DRC7: variants seen among roughly 807,000 people sequenced by gnomAD.
The protein encoded by DRC7 is coiled-coil domain containing 135.
DRC7 carries 80 observed loss-of-function variants against 104.4 expected under a neutral mutation model. The observed-to-expected ratio is 0.77, with a 90% CI of 0.64 to 0.92. The LOEUF (loss-of-function observed/expected upper bound fraction) is 0.92. Ranked by LOEUF, DRC7 falls within the 40% of genes least tolerant of loss-of-function variation. The pLI, the probability that DRC7 is intolerant of heterozygous loss-of-function variation, is 0.00. For synonymous variants in DRC7, 405 were observed against 447.3 expected, an observed-to-expected ratio of 0.91 and a Z score of 1.19; for missense variants, 1,034 against 1,141.1, an observed-to-expected ratio of 0.91 and a Z score of 1.35.
chr16:57,699,970 T>C (rs1436976412), intron 4 of DRC7, among the ~76,000 whole-genome samples, 175 bp from the exon 5 acceptor site: 1 of 152,222 alleles, frequency 6.6e-6, no homozygotes, highest in African/African-American at 2.4e-5. Context: ...ATGTGCCAGA[T>C]CTGGGCATCA....
intron 7 of DRC7, among the ~76,000 whole-genome samples, chr16:57,705,570 CCCAT>C (rs1307874719): frequency 8.0e-6 from 1 of 125,712 alleles, no homozygotes; most frequent in Non-Finnish European, 1.7e-5. Context: ...CCACCCACCT[CCCAT>C]CCATCCATCC....
chr16:57,699,447 C>T (rs543861609), intron 4 of DRC7, among the ~76,000 whole-genome samples: 1 of 152,138 alleles, frequency 6.6e-6, no homozygotes, highest in Non-Finnish European at 1.5e-5. Flanking sequence ...CTGTTTCCCA[C>T]CCCCTGGATG....
intron 7 of DRC7, among the ~76,000 whole-genome samples, chr16:57,706,083 T>TCCTC: frequency 1.0e-5 from 1 of 97,618 alleles, no homozygotes; most frequent in African/African-American, 3.7e-5. Flanking sequence ...CTCCCATCCA[T>TCCTC]CCATCCTCCC....
chr16:57,703,200 CAAAAAAA>C (rs71152293), intron 6 of DRC7, among the ~76,000 whole-genome samples: 82 of 62,926 alleles, frequency 1.3e-3, no homozygotes, highest in South Asian at 3.4e-3. Flanking sequence ...TTTTTAATAG[CAAAAAAA>C]AAAAAAAAAA....
intron 3 of DRC7, 46 bp from the exon 4 acceptor site, chr16:57,698,804 G>A (rs780109275): frequency 6.3e-6 from 10 of 1,588,654 alleles, no homozygotes; most frequent in African/African-American, 1.3e-5. Context: ...CAGGGCTCCT[G>A]TGTGCCAGGC....
intron 6 of DRC7, among the ~76,000 whole-genome samples, chr16:57,704,327 C>T (rs1160444434): frequency 1.3e-5 from 2 of 151,990 alleles, no homozygotes; most frequent in African/African-American, 4.8e-5. Flanking sequence ...AGTGCTCTTT[C>T]CTGGGAATAC....
At chr16:57,721,420 G>A (rs1020668769) in intron 9 of DRC7, among the ~76,000 whole-genome samples, 2 of 152,134 alleles carry the variant, frequency 1.3e-5, no homozygotes, top group Non-Finnish European at 2.9e-5. Context: ...CTCTAATCAC[G>A]AAGGGCCTGC....
At chr16:57,704,834 G>T in intron 6 of DRC7, 42 bp from the exon 7 acceptor site, 1 of 1,603,782 alleles carries the variant, frequency 6.2e-7, no homozygotes, top group South Asian at 1.1e-5. Context: ...TGTAAAGGGG[G>T]GATGCAGGGC....
intron 9 of DRC7, among the ~76,000 whole-genome samples, chr16:57,720,260 A>ACACAGTCTGGCTC (rs1491330397): frequency 6.6e-6 from 1 of 152,296 alleles, no homozygotes. Context: ...ATTTGAACCT[A>ACACAGTCTGGCTC]CACAGTCTGG....
intron 3 of DRC7, 60 bp downstream of exon 3, chr16:57,698,212 C>T: frequency 6.2e-7 from 1 of 1,608,008 alleles, no homozygotes; most frequent in Non-Finnish European, 8.5e-7. Flanking sequence ...ACAGGGAGAC[C>T]CAGGCAGAGT....
chr16:57,731,308 C>A lies in DRC7; in HGVS notation c.*50C>A. On this transcript the variant is annotated 3_prime_UTR_variant, in exon 19 of 19. Coordinates refer to ENST00000360716, the MANE Select transcript of DRC7 (RefSeq NM_001289162.2). Reference sequence around the variant, plus strand: ...AGCTGCCAGAGAAAGGAAACCTCTTCCCGCAGCCTGGCTCCTGTGTTCCCT... The same window carrying A: ...AGCTGCCAGAGAAAGGAAACCTCTTACCGCAGCCTGGCTCCTGTGTTCCCT... 1.4e-6 allele frequency: 2 copies of A among 1,459,020 alleles called. No homozygotes were observed. The highest frequency in any genetic ancestry group is 1.9e-6 in the Non-Finnish European group (2 of 1,043,002). 90.4% of individuals were successfully genotyped at this position (1,459,020 alleles called of 1,614,324 possible).
In DRC7 at chr16:57,704,976, A is replaced by G. The variant is rs1258243351; in HGVS notation, c.800A>G (p.Gln267Arg). 6.2e-7 allele frequency: 1 copy of G among 1,613,552 alleles called. No individual in the cohort carries two copies. Among genetic ancestry groups the G allele is most frequent in the African/African-American group, 1.3e-5 (1 of 74,912 alleles). Residue 267 changes from glutamine (Q) to arginine (R), a missense_variant, in exon 7 of 19, where the codon CAG (glutamine) becomes CGG (arginine). By Grantham distance (43) the Gln-to-Arg change is conservative. Transcript: ENST00000360716. Reference sequence around the variant, plus strand: ...GAGCAGGAGCAAGAGGTGAAGAAGCAGCAGGAGATCAGAGCCCAGGAGAAG... The same window carrying G: ...GAGCAGGAGCAAGAGGTGAAGAAGCGGCAGGAGATCAGAGCCCAGGAGAAG... ...RFEQEQEVKK[Q>R]QEIRAQEKKR...
intron 13 of DRC7, 52 bp from the exon 14 acceptor site, chr16:57,726,016 T>C: frequency 6.6e-7 from 1 of 1,505,730 alleles, no homozygotes. Context: ...CACAGAAATC[T>C]CCTCTCACAC....
intron 6 of DRC7, among the ~76,000 whole-genome samples, chr16:57,703,508 T>C (rs1342408836): frequency 6.6e-6 from 1 of 152,170 alleles, no homozygotes; most frequent in Non-Finnish European, 1.5e-5. Flanking sequence ...GATCACTGTG[T>C]ACCTGGGTTA....
rs1567889695 is a variant in DRC7 at position 57,728,437 on chromosome 16, G to A, written c.2244G>A (p.Leu748=). 1.9e-6 allele frequency: 3 copies of A among 1,610,960 alleles called. No homozygotes were observed. The highest frequency in any genetic ancestry group is 1.7e-6 in the Non-Finnish European group (2 of 1,179,042). ...ACCTGCGGCAGGTGGAGACCCAGCT[G>A]GACTACCTGGCCCCATTCCTGGCCC... ...EEHLRQVETQ[L]DYLAPFLAQL... is the part of the protein sequence containing the mutation. The change falls in exon 17 of 19, where the codon CTG becomes CTA. Residue 748 remains leucine (L), a synonymous_variant. Coordinates refer to ENST00000360716, the MANE Select transcript of DRC7 (RefSeq NM_001289162.2).
chr16:57,712,379 G>A (rs1286278026), intron 8 of DRC7, among the ~76,000 whole-genome samples: 2 of 152,194 alleles, frequency 1.3e-5, no homozygotes, highest in Non-Finnish European at 2.9e-5. Context: ...ATGGAAAGGT[G>A]TAATTTCTGG....
At chr16:57,724,897 T>A in intron 13 of DRC7, 62 bp downstream of exon 13, 1 of 1,353,530 alleles carries the variant, frequency 7.4e-7, no homozygotes, top group Non-Finnish European at 1.0e-6. Context: ...ATGTCACCTC[T>A]GAATGGTGAG....
In DRC7 at chr16:57,724,752, C is replaced by T; in HGVS notation, c.1675C>T (p.Leu559Phe). The change falls in exon 13 of 19, where the codon CTC (leucine) becomes TTC (phenylalanine). Residue 559 changes from leucine to phenylalanine, a missense_variant. Transcript: ENST00000360716. ...TEYYQGRPDF[L>F]SYRHASFGPR... ...GTACTATCAAGGACGCCCAGACTTC[C>T]TCTCCTACCGCCATGCCAGCTTCGG... 1 of 1,613,886 alleles carries T rather than the reference C, an allele frequency of 6.2e-7. No individual in the cohort carries two copies. The highest frequency in any genetic ancestry group is 8.5e-7 in the Non-Finnish European group (1 of 1,180,016).
chr16:57,699,045 G>T (rs765280025), intron 4 of DRC7, 21 bp downstream of exon 4: 1 of 1,610,982 alleles, frequency 6.2e-7, no homozygotes, highest in South Asian at 1.1e-5. Context: ...CATGTTGAGG[G>T]CAGGGCTGGG....
Sources: allele counts gnomAD v4.1 joint callset (sites outside exome capture counted in the v4.1 genomes callset), GRCh38; gene constraint gnomAD v4.1.1; transcripts MANE v1.5; gene names NCBI Gene and HGNC (gene_info 2026-07-23, HGNC 2026-07-21).